Variants in CREB3L2 observed in about 807,000 individuals in gnomAD.
CREB3L2 encodes the protein cyclic AMP-responsive element-binding protein 3-like protein 2.
CREB3L2 carries 23 observed loss-of-function variants against 57.2 expected under a neutral mutation model. The observed-to-expected ratio is 0.40, with a 90% CI of 0.29 to 0.57. The LOEUF (loss-of-function observed/expected upper bound fraction) is 0.57. Among genes scored for constraint, CREB3L2 ranks in the 20% least tolerant of loss-of-function variants. The probability of loss-of-function intolerance (pLI) is 0.42; values close to 1 mark genes in which losing one functional copy is unlikely to be tolerated. For missense variants in CREB3L2, 628 were observed against 634.7 expected (o/e 0.99, Z 0.11); for synonymous variants, 268 against 265.1 (o/e 1.01, Z -0.11).
At position 137,955,904 on chromosome 7, in the gene CREB3L2, C is replaced by T. The variant is rs1214310798; in HGVS notation, c.103-27538G>A. 2.0e-5 allele frequency among the ~76,000 whole-genome samples: 3 copies of T among 152,174 alleles called. No homozygotes were observed. The East Asian group carries it at 5.8e-4, about 29-fold the overall frequency. On this transcript the variant is annotated intron_variant, in intron 1 of 11. Coordinates refer to ENST00000330387, the MANE Select transcript of CREB3L2 (RefSeq NM_194071.4). ...AGGCATAAAGGGGTTAAATAACTTACCCCAGGATGTATGGGGACAGTCACT... is the reference window on the plus strand; with the variant it reads ...AGGCATAAAGGGGTTAAATAACTTATCCCAGGATGTATGGGGACAGTCACT...
chr7:137,944,117 T>C (rs898906989), intron 1 of CREB3L2, among the ~76,000 whole-genome samples: 32 of 152,218 alleles, frequency 2.1e-4, no homozygotes, highest in Non-Finnish European at 4.6e-4. Context: ...GGGTGTCTAA[T>C]AGGTTAAACC....
At chr7:137,925,284 C>CT (rs1194942239) in intron 2 of CREB3L2, among the ~76,000 whole-genome samples, 1 of 152,220 alleles carries the variant, frequency 6.6e-6, no homozygotes, top group East Asian at 1.9e-4. Flanking sequence ...TGTCATCACT[C>CT]TTTTTCCAGG....
chr7:137,966,497 G>T (rs549976403), intron 1 of CREB3L2, among the ~76,000 whole-genome samples: 1 of 152,146 alleles, frequency 6.6e-6, no homozygotes, highest in Non-Finnish European at 1.5e-5. Flanking sequence ...TCCTAGCCAC[G>T]ACTCAGATAG....
intron 1 of CREB3L2, chr7:137,999,712 C>G (rs1158068473): frequency 7.9e-5 from 12 of 152,296 alleles, no homozygotes; most frequent in Middle Eastern, 3.4e-3. Flanking sequence ...AAACCAATAC[C>G]TCTTTCAACA....
intron 5 of CREB3L2, among the ~76,000 whole-genome samples, chr7:137,907,691 A>G (rs954610571): frequency 2.0e-5 from 3 of 152,218 alleles, no homozygotes; most frequent in Admixed American, 1.3e-4. Flanking sequence ...TTAACGATCT[A>G]TTCTTCTTTA....
At chr7:137,894,804 T>A (rs577379631) in intron 8 of CREB3L2, among the ~76,000 whole-genome samples, 19 of 152,294 alleles carry the variant, frequency 1.2e-4, no homozygotes, top group African/African-American at 4.6e-4. Flanking sequence ...AGTCTAAAGT[T>A]GGCTCTTGCT....
At chr7:137,882,212 G>T (rs1007476423) in intron 11 of CREB3L2, among the ~76,000 whole-genome samples, 200 bp downstream of exon 11, 7 of 152,132 alleles carry the variant, frequency 4.6e-5, no homozygotes, top group African/African-American at 1.4e-4. Flanking sequence ...GCTCACGCTG[G>T]TTTTTTTCCT....
At chr7:138,000,173 A>C (rs1255727460) in intron 1 of CREB3L2, among the ~76,000 whole-genome samples, 1 of 152,258 alleles carries the variant, frequency 6.6e-6, no homozygotes, top group East Asian at 1.9e-4. Context: ...CAGCGAAAGA[A>C]TACTTCAAGA....
In CREB3L2 at chr7:137,877,415, G is replaced by C. The variant is rs1223389314; in HGVS notation, c.*3061C>G. On this transcript the variant is annotated 3_prime_UTR_variant, in exon 12 of 12. Transcript: ENST00000330387. ...CTCTTTATGTGAGCTAGACTCCAGA[G>C]TCCTCACACTTCACAGAAATTCTTT... 8.8e-6 allele frequency: 2 copies of C among 227,474 alleles called. No homozygotes were observed. Among genetic ancestry groups the C allele is most frequent in the African/African-American group, 4.4e-5 (2 of 44,990 alleles). The allele number at this position is 227,474 out of a possible 1,614,324, so 14.1% of individuals were successfully genotyped here. A position where few individuals can be genotyped will look rare whatever the true frequency, so the allele number is the denominator to read the frequency against.
chr7:137,941,952 G>A (rs969226611), intron 1 of CREB3L2, among the ~76,000 whole-genome samples: 4 of 152,022 alleles, frequency 2.6e-5, no homozygotes, highest in South Asian at 2.1e-4. Context: ...TAGTGAACTC[G>A]GTCGATTCTA....
At position 137,908,430 on chromosome 7, in the gene CREB3L2, A is replaced by AT; in HGVS notation, c.589_590insA (p.Val197AspfsTer17). The AT allele has an allele frequency of 1.6e-6, 2 of 1,264,188 alleles. No individual in the cohort carries two copies. Among genetic ancestry groups the AT allele is most frequent in the Non-Finnish European group, 2.0e-6 (2 of 997,002 alleles). 78.3% of individuals were successfully genotyped at this position (1,264,188 alleles called of 1,614,324 possible). ...GGTGGGCGGCAAATGCAGGTGGTCCACTGGGGCTGCAAAAAAGGAAGCACA... is the reference window on the plus strand; with the variant it reads ...GGTGGGCGGCAAATGCAGGTGGTCCATCTGGGGCTGCAAAAAAGGAAGCACA... On this transcript the variant is annotated frameshift_variant, in exon 5 of 12. Transcript: ENST00000330387. LOFTEE classifies it high-confidence loss of function.
At chr7:137,951,811 ACT>A (rs1801107171) in intron 1 of CREB3L2, among the ~76,000 whole-genome samples, 1 of 151,994 alleles carries the variant, frequency 6.6e-6, no homozygotes, top group Admixed American at 6.6e-5. Context: ...ACATAGGGAG[ACT>A]CTGTCTCTAC....
In CREB3L2 at chr7:138,001,649, G is replaced by C; in HGVS notation, c.57C>G (p.Ser19Arg). The change falls in exon 1 of 12, where the codon AGC (serine) becomes AGG (arginine). Residue 19 changes from serine to arginine, a missense_variant. Coordinates refer to ENST00000330387, the MANE Select transcript of CREB3L2 (RefSeq NM_194071.4). The surrounding 1 kb of genome is among the most constrained non-coding windows in gnomAD (Gnocchi z 4.2). Reference sequence around the variant, plus strand: ...CGCCGTCCCCGGGCTCTGACAGCTCGCTCAGCTTGCGGTCCCACTGCAGCA... The same window carrying C: ...CGCCGTCCCCGGGCTCTGACAGCTCCCTCAGCTTGCGGTCCCACTGCAGCA... ...QGVLQWDRKLSELSEPGDGEA... is the reference protein window; with the variant it reads ...QGVLQWDRKLRELSEPGDGEA... 1.2e-6 allele frequency: 2 copies of C among 1,613,274 alleles called. No individual in the cohort carries two copies. Among genetic ancestry groups the C allele is most frequent in the Non-Finnish European group, 1.7e-6 (2 of 1,179,762 alleles).
intron 1 of CREB3L2, among the ~76,000 whole-genome samples, chr7:137,944,935 C>T (rs1800942993): frequency 6.6e-6 from 1 of 151,564 alleles, no homozygotes; most frequent in African/African-American, 2.4e-5. Context: ...CTCTGTAGAC[C>T]AGGCTGGAGT....
chr7:137,970,593 G>A (rs140052592), intron 1 of CREB3L2, among the ~76,000 whole-genome samples: 1 of 151,798 alleles, frequency 6.6e-6, no homozygotes, highest in African/African-American at 2.4e-5. Context: ...TTCACAGAAG[G>A]GGGTGGGTGG....
At chr7:137,981,039 C>A (rs1801702416) in intron 1 of CREB3L2, among the ~76,000 whole-genome samples, 1 of 152,132 alleles carries the variant, frequency 6.6e-6, no homozygotes, top group African/African-American at 2.4e-5. Context: ...CGAGTCCTTG[C>A]AATAAAGCAG....
intron 8 of CREB3L2, among the ~76,000 whole-genome samples, chr7:137,900,903 C>T (rs1012793973): frequency 6.6e-6 from 1 of 152,126 alleles, no homozygotes; most frequent in African/African-American, 2.4e-5. Flanking sequence ...GCCAGTGCCT[C>T]CTTGGTCACC....
At chr7:137,969,787 C>T (rs113647825) in intron 1 of CREB3L2, among the ~76,000 whole-genome samples, 1 of 144,812 alleles carries the variant, frequency 6.9e-6, no homozygotes, top group African/African-American at 2.5e-5. Flanking sequence ...CACACACACA[C>T]ACACACAACA....
chr7:137,900,660 C>T (rs573674528), intron 8 of CREB3L2, among the ~76,000 whole-genome samples: 4 of 151,598 alleles, frequency 2.6e-5, no homozygotes, highest in East Asian at 3.9e-4. Context: ...AAAAATTAGC[C>T]GGACGTGGTG....
Sources: gnomAD v4.1 joint callset for allele counts (sites outside exome capture counted in the v4.1 genomes callset) on GRCh38, gnomAD v4.1.1 for gene constraint, Gnocchi (gnomAD v3.1) non-coding constraint, MANE v1.5 for transcripts, NCBI Gene and HGNC (gene_info 2026-07-23, HGNC 2026-07-21) for gene names.